PTGFRN: variants seen among roughly 807,000 people sequenced by gnomAD.
PTGFRN encodes the protein prostaglandin F2 receptor negative regulator.
Under a neutral mutation model 83.2 loss-of-function variants are expected in PTGFRN, and 35 were observed. The observed-to-expected ratio is 0.42, with a 90% confidence interval of 0.32 to 0.56. The LOEUF (loss-of-function observed/expected upper bound fraction) is 0.56, where lower values mean the gene tolerates loss of function less well. PTGFRN is among the 20% of genes least tolerant of loss of function. The probability of loss-of-function intolerance (pLI) is 0.11; values close to 1 mark genes in which losing one functional copy is unlikely to be tolerated. For synonymous variants in PTGFRN, 519 were observed against 498.6 expected, an observed-to-expected ratio of 1.04 and a Z score of -0.55; for missense variants, 1,051 against 1,179.5, an observed-to-expected ratio of 0.89 and a Z score of 1.60.
intron 1 of PTGFRN, among the ~76,000 whole-genome samples, chr1:116,910,911 A>G (rs10923163): frequency 0.15 from 23,158 of 152,070 alleles, 3,504 homozygotes; most frequent in African/African-American, 0.39. Flanking sequence ...AAAGACCTAA[A>G]AGCCTGGCTT....
Position 116,984,711 on chromosome 1 carries a change from G to C in PTGFRN, c.2199G>C (p.Ala733=). ...DDMAFDVSWF[A]VHSFGLDKAP... is the part of the protein sequence containing the mutation. ...TGGCCTTTGATGTGTCCTGGTTTGC[G>C]GTGCACTCTTTTGGCCTGGACAAGG... Residue 733 remains alanine (A), a synonymous_variant, in exon 8 of 9, where the codon GCG becomes GCC. Transcript: ENST00000393203. 1 of 1,614,090 alleles carries C rather than the reference G, an allele frequency of 6.2e-7. No individual in the cohort carries two copies. Among genetic ancestry groups the C allele is most frequent in the Non-Finnish European group, 8.5e-7 (1 of 1,180,028 alleles).
chr1:116,965,348 G>C (rs1473175631), intron 5 of PTGFRN, among the ~76,000 whole-genome samples: 6 of 152,014 alleles, frequency 3.9e-5, no homozygotes, highest in African/African-American at 9.7e-5. Context: ...ACCCAGGCTG[G>C]AGTGCAGTGG....
chr1:116,934,619 G>A (rs2806881), intron 1 of PTGFRN, among the ~76,000 whole-genome samples: 22,226 of 151,680 alleles, frequency 0.15, 2,810 homozygotes, highest in African/African-American at 0.35. Flanking sequence ...ATTATAGTTA[G>A]TTTACAATCT....
rs768012258 is a variant in PTGFRN, at chr1:116,945,097, G to A, written c.832+5G>A. On this transcript the variant is annotated splice_donor_5th_base_variant and intron_variant, in intron 3 of 8. Coordinates refer to ENST00000393203, the MANE Select transcript of PTGFRN (RefSeq NM_020440.4). ...CCGTGGTGATCCAGCCATCAGGTGA[G>A]CTGGAAACGATGCGTTATAGGTGAT... is the stretch of plus-strand genomic sequence containing the variant. 1.9e-6 allele frequency: 3 copies of A among 1,609,298 alleles called. No homozygotes were observed. The South Asian group carries it at 3.3e-5, about 18-fold the overall frequency.
intron 5 of PTGFRN, among the ~76,000 whole-genome samples, chr1:116,965,333 C>G (rs1230380131): frequency 1.3e-5 from 2 of 152,152 alleles, no homozygotes; most frequent in Non-Finnish European, 1.5e-5. Context: ...CACCCAGGCT[C>G]TCTCACCCAG....
At position 116,958,163 on chromosome 1, in the gene PTGFRN, G is replaced by T. The variant is rs754943532; in HGVS notation, c.1214-3080G>T. ...ACGGGGGTGGAAGTAAACCATTAAG[G>T]ATCAAAGGGTCTGTCACCTGTGAGG... is the stretch of plus-strand genomic sequence containing the variant. On this transcript the variant is annotated intron_variant, in intron 4 of 8. Coordinates refer to ENST00000393203, the MANE Select transcript of PTGFRN (RefSeq NM_020440.4). This position sits in a 1 kb window ranked among gnomAD's most constrained non-coding sequence, Gnocchi z 4.9. Among the ~76,000 whole-genome samples, 1 of 152,138 alleles carries T rather than the reference G, an allele frequency of 6.6e-6. No individual in the cohort carries two copies. The highest frequency in any genetic ancestry group is 1.5e-5 in the Non-Finnish European group (1 of 68,028).
intron 1 of PTGFRN, among the ~76,000 whole-genome samples, chr1:116,921,163 T>C (rs1649527483): frequency 6.6e-6 from 1 of 152,228 alleles, no homozygotes; most frequent in Non-Finnish European, 1.5e-5. Context: ...TGGCCCTCCC[T>C]GGCTACTTTG....
chr1:116,981,302 C>T (rs886090306), intron 7 of PTGFRN, among the ~76,000 whole-genome samples: 3 of 152,150 alleles, frequency 2.0e-5, no homozygotes, highest in African/African-American at 4.8e-5. Context: ...CTCCTGCATG[C>T]TTTGACCTCG....
At chr1:116,953,334 AC>A (rs1422284892) in intron 4 of PTGFRN, among the ~76,000 whole-genome samples, 6 of 152,166 alleles carry the variant, frequency 3.9e-5, no homozygotes, top group African/African-American at 1.4e-4. Flanking sequence ...TAAGATTTAG[AC>A]CTGTAGGTTT....
chr1:116,931,036 G>A (rs1041375379), intron 1 of PTGFRN, among the ~76,000 whole-genome samples: 1 of 152,132 alleles, frequency 6.6e-6, no homozygotes, highest in Non-Finnish European at 1.5e-5. Flanking sequence ...GCATCTCTTT[G>A]ATTATTTATA....
Position 116,952,918 on chromosome 1 carries a change from G to A in PTGFRN, c.1213+3346G>A, listed in dbSNP as rs576732609. On this transcript the variant is annotated intron_variant, in intron 4 of 8. Transcript: ENST00000393203. The surrounding 1 kb of genome is among the most constrained non-coding windows in gnomAD (Gnocchi z 4.0). ...AGCTCAATTACTATGGGGGACAAAT[G>A]ATGCTTTGTGTTGATCCAATTTAGT... Among the ~76,000 whole-genome samples the A allele has an allele frequency of 6.6e-6, 1 of 152,360 alleles. No individual in the cohort carries two copies. The highest frequency in any genetic ancestry group is 1.5e-5 in the Non-Finnish European group (1 of 68,032).
Position 116,949,339 on chromosome 1 carries a change from G to A in PTGFRN, c.980G>A (p.Gly327Asp). The A allele has an allele frequency of 1.2e-6, 2 of 1,614,272 alleles. No homozygotes were observed. The highest frequency in any genetic ancestry group is 2.2e-5 in the South Asian group (2 of 91,092). Residue 327 changes from glycine (G) to aspartate (D), a missense_variant, in exon 4 of 9, where the codon GGC becomes GAC. Physicochemically the swap from Gly to Asp is moderately conservative, Grantham distance 94 (BLOSUM62 -1). Transcript: ENST00000393203. ...AGGATGCCTGACAGCACCCTACCTG[G>A]CTCCCGCGTGTTGGCGCGGCTTGAC... Reference protein sequence around the residue: ...FSRMPDSTLPGSRVLARLDRD... With the variant: ...FSRMPDSTLPDSRVLARLDRD...
Position 116,941,563 on chromosome 1 carries a change from G to A in PTGFRN, c.50-152G>A. The A allele has an allele frequency of 3.6e-6, 4 of 1,113,986 alleles. No homozygotes were observed. The highest frequency in any genetic ancestry group is 5.1e-6 in the Non-Finnish European group (4 of 787,800). The allele number at this position is 1,113,986 out of a possible 1,614,324, so 69.0% of individuals were successfully genotyped here. On this transcript the variant is annotated intron_variant, in intron 1 of 8. Transcript: ENST00000393203. The surrounding 1 kb of genome is among the most constrained non-coding windows in gnomAD (Gnocchi z 5.0). ...TCCTGGCTCATTATTTAAGGGTTAG[G>A]CTTAACCTTCTGCATAGATACATTT... is the stretch of plus-strand genomic sequence containing the variant.
chr1:116,959,965 C>T (rs1051086831), intron 4 of PTGFRN, among the ~76,000 whole-genome samples: 1 of 135,458 alleles, frequency 7.4e-6, no homozygotes, highest in African/African-American at 2.7e-5. Context: ...TAAGACTGTC[C>T]AAAAAAAAAA....
chr1:116,960,588 G>T (rs1322317090), intron 4 of PTGFRN, among the ~76,000 whole-genome samples: 1 of 152,218 alleles, frequency 6.6e-6, no homozygotes, highest in East Asian at 1.9e-4. Context: ...GTTACATGTG[G>T]CAGTAGCGAG....
intron 7 of PTGFRN, among the ~76,000 whole-genome samples, chr1:116,984,417 T>G (rs796268239): frequency 1.3e-4 from 20 of 152,316 alleles, no homozygotes; most frequent in African/African-American, 4.8e-4. Flanking sequence ...GGCTGGGCTC[T>G]GGAGCTGTAC....
intron 7 of PTGFRN, among the ~76,000 whole-genome samples, chr1:116,981,691 C>T (rs1651323244): frequency 6.6e-6 from 1 of 152,228 alleles, no homozygotes; most frequent in African/African-American, 2.4e-5. Context: ...CCCTGTGGGC[C>T]AGATGGCGTT....
intron 8 of PTGFRN, 82 bp downstream of exon 8, chr1:116,985,067 C>G (rs1651425731): frequency 6.9e-7 from 1 of 1,441,032 alleles, no homozygotes; most frequent in Non-Finnish European, 9.5e-7. Context: ...CCCAGGTGGC[C>G]ACAGTTTGAG....
chr1:116,984,340 A>G (rs1375001409), intron 7 of PTGFRN, among the ~76,000 whole-genome samples: 1 of 151,786 alleles, frequency 6.6e-6, no homozygotes, highest in East Asian at 1.9e-4. Context: ...TGTGGGAGAC[A>G]GTTTTTGGCC....
Sources: gnomAD v4.1 joint callset for allele counts (sites outside exome capture counted in the v4.1 genomes callset) on GRCh38, gnomAD v4.1.1 for gene constraint, Gnocchi (gnomAD v3.1) non-coding constraint, MANE v1.5 for transcripts, NCBI Gene and HGNC (gene_info 2026-07-23, HGNC 2026-07-21) for gene names.